Variants in C1orf185 observed in about 807,000 individuals in gnomAD.
C1orf185 encodes chromosome 1 open reading frame 185, also known as uncharacterized protein C1orf185.
A neutral mutation model predicts 16.1 loss-of-function variants in C1orf185; 13 were observed. The ratio of observed to expected loss-of-function variants is 0.81; its 90% CI spans 0.53 to 1.28. C1orf185 has a LOEUF of 1.28. Among genes scored for constraint, C1orf185 ranks in the 50% most tolerant of loss-of-function variants. The pLI is 0.00. For synonymous variants in C1orf185, 80 were observed against 76.9 expected (o/e 1.04, Z -0.21); for missense variants, 220 against 225.2 (o/e 0.98, Z 0.15).
chr1:51,110,841 C>T (rs529024065), intron 1 of C1orf185, among the ~76,000 whole-genome samples: 1 of 151,932 alleles, frequency 6.6e-6, no homozygotes, highest in East Asian at 1.9e-4. Context: ...TGGTGGTGTG[C>T]ACCTGTAGTC....
intron 1 of C1orf185, among the ~76,000 whole-genome samples, chr1:51,112,208 G>A (rs1646126730): frequency 1.3e-5 from 2 of 151,372 alleles, no homozygotes. Flanking sequence ...AAACACAAAC[G>A]AAACCTAGGT....
At chr1:51,149,139 T>A (rs1646418315), downstream of C1orf185, among the ~76,000 whole-genome samples, 1 of 151,948 alleles carries the variant, frequency 6.6e-6, no homozygotes, top group Non-Finnish European at 1.5e-5. Flanking sequence ...TGTAATCTTT[T>A]CTTTTTTCTT....
At chr1:51,151,737 G>A (rs1646430163), downstream of C1orf185, among the ~76,000 whole-genome samples, 1 of 151,690 alleles carries the variant, frequency 6.6e-6, no homozygotes, top group Admixed American at 6.6e-5. Flanking sequence ...CACCCAGGCT[G>A]GAGTGCAGTG....
At chr1:51,132,093 G>T (rs1264734360) in intron 3 of C1orf185, among the ~76,000 whole-genome samples, 1 of 152,118 alleles carries the variant, frequency 6.6e-6, no homozygotes, top group African/African-American at 2.4e-5. Context: ...AGGTGAAAAG[G>T]AAAAAGAAAA....
intron 1 of C1orf185, among the ~76,000 whole-genome samples, chr1:51,111,756 G>A (rs906077607): frequency 6.6e-6 from 1 of 152,152 alleles, no homozygotes; most frequent in African/African-American, 2.4e-5. Context: ...CTGACCTCAG[G>A]TGCTCTGCCC....
intron 3 of C1orf185, among the ~76,000 whole-genome samples, chr1:51,144,882 G>T (rs939845356): frequency 6.6e-6 from 1 of 152,046 alleles, no homozygotes; most frequent in South Asian, 2.1e-4. Context: ...CATCCCAAAC[G>T]CTCTATGCTT....
At chr1:51,117,146 T>C (rs6670795) in intron 2 of C1orf185, among the ~76,000 whole-genome samples, 11,677 of 152,236 alleles carry the variant, frequency 0.077, 1,354 homozygotes, top group African/African-American at 0.25. Context: ...ATATACAACA[T>C]CCAGCATAAA....
At chr1:51,132,389 A>C (rs911463135) in intron 3 of C1orf185, among the ~76,000 whole-genome samples, 11 of 152,222 alleles carry the variant, frequency 7.2e-5, no homozygotes, top group Non-Finnish European at 1.5e-4. Flanking sequence ...CAGTATAGAA[A>C]AGAACCTCAC....
Position 51,145,603 on chromosome 1 carries a change from A to G in C1orf185, c.259-121A>G, listed in dbSNP as rs528470841. 4.5e-5 allele frequency: 22 copies of G among 485,102 alleles called. 1 individual carries two copies. The East Asian group carries it at 6.9e-4, about 15-fold the overall frequency. The allele number at this position is 485,102 out of a possible 1,614,324, so 30.0% of individuals were successfully genotyped here. A position where few individuals can be genotyped will look rare whatever the true frequency, so the allele number is the denominator to read the frequency against. ...GGTGAAAGAAATTCATACTGTGGAA[A>G]GAAACATTTTCCATTAAAAAATTAT... On this transcript the variant is annotated intron_variant, in intron 3 of 4. Coordinates refer to ENST00000371759, the MANE Select transcript of C1orf185 (RefSeq NM_001136508.2).
At chr1:51,118,999 A>G (rs1461653796) in intron 3 of C1orf185, among the ~76,000 whole-genome samples, 198 bp downstream of exon 3, 3 of 152,232 alleles carry the variant, frequency 2.0e-5, no homozygotes, top group African/African-American at 4.8e-5. Flanking sequence ...TTGTATCTTC[A>G]TATCTCTAGC....
intron 4 of C1orf185, among the ~76,000 whole-genome samples, chr1:51,146,685 T>G (rs1241926689): frequency 7.2e-5 from 11 of 152,164 alleles, no homozygotes; most frequent in African/African-American, 2.7e-4. Context: ...CTATTTTGTA[T>G]CTGATCTGTA....
At chr1:51,121,233 A>G (rs1028265317) in intron 3 of C1orf185, among the ~76,000 whole-genome samples, 4 of 152,056 alleles carry the variant, frequency 2.6e-5, no homozygotes, top group African/African-American at 9.7e-5. Flanking sequence ...GAAATTTTGT[A>G]TCCTTTGACC....
intron 3 of C1orf185, among the ~76,000 whole-genome samples, chr1:51,131,623 G>A (rs541784934): frequency 1.3e-5 from 2 of 152,054 alleles, no homozygotes; most frequent in African/African-American, 4.8e-5. Context: ...AAAAGAAAGA[G>A]AGAGAGAGAG....
At chr1:51,105,104 T>C (rs1646059555) in intron 1 of C1orf185, among the ~76,000 whole-genome samples, 1 of 152,016 alleles carries the variant, frequency 6.6e-6, no homozygotes, top group Non-Finnish European at 1.5e-5. Flanking sequence ...ATTACAGATA[T>C]GTGCCACGAC....
At chr1:51,105,348 T>TA (rs551029416) in intron 1 of C1orf185, among the ~76,000 whole-genome samples, 355 of 144,514 alleles carry the variant, frequency 2.5e-3, no homozygotes, top group Admixed American at 3.0e-3. Context: ...TATGCAGCCT[T>TA]AAAAAAAAAA....
chr1:51,115,660 G>A (rs1466856619), intron 2 of C1orf185, among the ~76,000 whole-genome samples: 1 of 152,156 alleles, frequency 6.6e-6, no homozygotes, highest in African/African-American at 2.4e-5. Context: ...CACTAGCAAT[G>A]TATGAGAGTT....
intron 3 of C1orf185, among the ~76,000 whole-genome samples, chr1:51,139,121 A>C (rs1646347338): frequency 6.6e-6 from 1 of 151,308 alleles, no homozygotes; most frequent in Admixed American, 6.6e-5. Flanking sequence ...TTTTTCCCAG[A>C]GACAGAGTCT....
intron 1 of C1orf185, among the ~76,000 whole-genome samples, chr1:51,109,903 A>T (rs545475924): frequency 6.6e-6 from 1 of 151,710 alleles, no homozygotes; most frequent in Admixed American, 6.6e-5. Flanking sequence ...ACATTTTAGA[A>T]TTTTTTCCTA....
At chr1:51,146,456 C>CAAA (rs966563093) in intron 4 of C1orf185, among the ~76,000 whole-genome samples, 1 of 64,652 alleles carries the variant, frequency 1.5e-5, no homozygotes, top group Non-Finnish European at 3.3e-5. Context: ...AAGACTGTCT[C>CAAA]AAAAAAAAAA....
Sources: gnomAD v4.1 joint callset for allele counts (sites outside exome capture counted in the v4.1 genomes callset) on GRCh38, gnomAD v4.1.1 for gene constraint, MANE v1.5 for transcripts, NCBI Gene and HGNC (gene_info 2026-07-23, HGNC 2026-07-21) for gene names.